The following EVA1A variants were observed in gnomAD, a reference collection of about 807,000 sequenced individuals.
EVA1A encodes the protein eva-1 homolog A, regulator of programmed cell death.
Under a neutral mutation model 9.8 loss-of-function variants are expected in EVA1A, and 7 were observed. The observed-to-expected ratio is 0.71, with a 90% CI of 0.41 to 1.34. EVA1A has a LOEUF of 1.34. Among genes scored for constraint, EVA1A ranks in the 40% most tolerant of loss-of-function variants. EVA1A has a pLI of 0.01. For synonymous variants in EVA1A, 90 were observed against 85.6 expected, an observed-to-expected ratio of 1.05 and a Z score of -0.28; for missense variants, 206 against 205.9, an observed-to-expected ratio of 1.00 and a Z score of 0.00.
In EVA1A at chr2:75,502,153, T is replaced by C. The variant is rs374149604; in HGVS notation, c.86-8544A>G. 3.3e-5 allele frequency among the ~76,000 whole-genome samples: 5 copies of C among 152,296 alleles called. No individual in the cohort carries two copies. The East Asian group carries it at 7.7e-4, about 24-fold the overall frequency. ...ACTTAATTTAACCAATCCATGTTAG[T>C]AGGTTAGAAATAAATTTGGGATAGG... On this transcript the variant is annotated intron_variant, in intron 3 of 3. Coordinates refer to ENST00000393913, the MANE Select transcript of EVA1A (RefSeq NM_001135032.2).
At chr2:75,493,756 T>C (rs1572940082) in intron 3 of EVA1A, 147 bp from the exon 4 acceptor site, 1 of 691,898 alleles carries the variant, frequency 1.4e-6, no homozygotes, top group Non-Finnish European at 2.2e-6. Context: ...TATTTTATAA[T>C]GTATTCAAAA....
chr2:75,531,139 G>A (rs1281040341), intron 1 of EVA1A, among the ~76,000 whole-genome samples: 1 of 152,122 alleles, frequency 6.6e-6, no homozygotes, highest in African/African-American at 2.4e-5. Context: ...CAAGAACTCA[G>A]TCACCTTTAC....
At chr2:75,533,376 A>G (rs1158018500) in intron 1 of EVA1A, among the ~76,000 whole-genome samples, 1 of 152,174 alleles carries the variant, frequency 6.6e-6, no homozygotes, top group African/African-American at 2.4e-5. Context: ...ATCCATACCC[A>G]GCAAAACTGC....
At chr2:75,507,717 T>C (rs550443759) in intron 3 of EVA1A, among the ~76,000 whole-genome samples, 26 of 152,252 alleles carry the variant, frequency 1.7e-4, no homozygotes, top group Non-Finnish European at 2.6e-4. Context: ...CCTTCAGAAT[T>C]GTCTTGAGAT....
intron 1 of EVA1A, among the ~76,000 whole-genome samples, chr2:75,550,758 T>C (rs1421794886): frequency 6.6e-6 from 1 of 152,198 alleles, no homozygotes; most frequent in African/African-American, 2.4e-5. Flanking sequence ...ATTAGAAATC[T>C]GTGTGGAAAA....
chr2:75,504,940 G>A lies in EVA1A; in HGVS notation c.86-11331C>T, dbSNP rs370950664. ...TAACAAACCTGCATGTTCTGCACAC[G>A]TATCCCAGAACTTAGAGTAAAATAA... is the stretch of plus-strand genomic sequence containing the variant. On this transcript the variant is annotated intron_variant, in intron 3 of 3. Coordinates refer to ENST00000393913, the MANE Select transcript of EVA1A (RefSeq NM_001135032.2). 7.2e-5 allele frequency among the ~76,000 whole-genome samples: 11 copies of A among 152,194 alleles called. No individual in the cohort carries two copies. In the East Asian group the frequency reaches 9.7e-4, roughly 13 times the overall value.
chr2:75,513,059 A>G (rs1674873839), intron 3 of EVA1A, among the ~76,000 whole-genome samples: 1 of 152,180 alleles, frequency 6.6e-6, no homozygotes, highest in Non-Finnish European at 1.5e-5. Flanking sequence ...TTGATCTTGA[A>G]TCAGCCTGAA....
At chr2:75,536,651 T>C (rs994923828) in intron 1 of EVA1A, among the ~76,000 whole-genome samples, 6 of 152,092 alleles carry the variant, frequency 3.9e-5, no homozygotes, top group African/African-American at 1.2e-4. Flanking sequence ...TGACAAAAAA[T>C]AGTAAGGAAA....
chr2:75,502,524 T>C (rs1674466494), intron 3 of EVA1A, among the ~76,000 whole-genome samples: 1 of 152,126 alleles, frequency 6.6e-6, no homozygotes, highest in Admixed American at 6.5e-5. Flanking sequence ...TATATACAGA[T>C]ATACATATTG....
intron 1 of EVA1A, among the ~76,000 whole-genome samples, chr2:75,527,173 T>C (rs567088840): frequency 1.3e-5 from 2 of 152,210 alleles, no homozygotes; most frequent in African/African-American, 4.8e-5. Flanking sequence ...AAAAAACCCA[T>C]GGCCTCATCC....
At chr2:75,517,426 G>A (rs1675052027) in intron 3 of EVA1A, among the ~76,000 whole-genome samples, 2 of 152,172 alleles carry the variant, frequency 1.3e-5, no homozygotes, top group South Asian at 2.1e-4. Context: ...TCAAACCAGT[G>A]AGCATTTTCA....
At chr2:75,555,300 A>AATCTCT in intron 1 of EVA1A, among the ~76,000 whole-genome samples, 1 of 26,572 alleles carries the variant, frequency 3.8e-5, no homozygotes, top group South Asian at 1.4e-3. Context: ...ATCAAAACTC[A>AATCTCT]ATCTCTCTCT....
At chr2:75,542,244 C>G (rs116178235) in intron 1 of EVA1A, 3,005 of 153,218 alleles carry the variant, frequency 0.02, 84 homozygotes, top group African/African-American at 0.061. Context: ...CGTAAATTGC[C>G]CAGTCTCTAG....
At chr2:75,547,076 C>T (rs575297694) in intron 1 of EVA1A, among the ~76,000 whole-genome samples, 10 of 152,298 alleles carry the variant, frequency 6.6e-5, no homozygotes, top group East Asian at 5.8e-4. Flanking sequence ...TCTAAGCCAC[C>T]CAATTTGTGA....
At position 75,549,205 on chromosome 2, in the gene EVA1A, T is replaced by G. The variant is rs186294769; in HGVS notation, c.-192+11475A>C. The stretch of plus-strand genomic sequence containing the variant: ...GACACATGTATACAGCCCTGTGCAC[T>G]CATTTGTGGGAATCAGTGTGGAACA... On this transcript the variant is annotated intron_variant, in intron 1 of 3. Transcript: ENST00000393913. Among the ~76,000 whole-genome samples, 115 of 152,058 alleles carry G rather than the reference T, an allele frequency of 7.6e-4. 1 individual carries two copies. The highest frequency in any genetic ancestry group is 2.6e-3 in the African/African-American group (106 of 41,482).
At chr2:75,542,047 T>C (rs962490783) in intron 1 of EVA1A, 1 of 152,246 alleles carries the variant, frequency 6.6e-6, no homozygotes, top group Non-Finnish European at 1.5e-5. Context: ...TTTCCCATGC[T>C]GTTCTCGTGA....
At chr2:75,554,977 G>C (rs1470281426) in intron 1 of EVA1A, among the ~76,000 whole-genome samples, 1 of 152,158 alleles carries the variant, frequency 6.6e-6, no homozygotes, top group Non-Finnish European at 1.5e-5. Context: ...CCAGGAATGG[G>C]ACTTCCATGC....
intron 1 of EVA1A, among the ~76,000 whole-genome samples, chr2:75,537,739 A>G (rs77670736): frequency 0.011 from 1,638 of 152,158 alleles, 28 homozygotes; most frequent in African/African-American, 0.038. Context: ...GTGGGTTCTC[A>G]TTCTATTACT....
intron 2 of EVA1A, among the ~76,000 whole-genome samples, chr2:75,521,787 TG>T (rs375742387): frequency 1.3e-5 from 2 of 152,318 alleles, no homozygotes; most frequent in East Asian, 3.9e-4. Context: ...TTAATGCCAC[TG>T]AACTATACAC....
Sources: allele counts gnomAD v4.1 joint callset (sites outside exome capture counted in the v4.1 genomes callset), GRCh38; gene constraint gnomAD v4.1.1; transcripts MANE v1.5; gene names NCBI Gene and HGNC (gene_info 2026-07-23, HGNC 2026-07-21).